LSG1: variants seen among roughly 807,000 people sequenced by gnomAD.
LSG1 encodes the protein large subunit GTPase 1 homolog.
A neutral mutation model predicts 82.6 loss-of-function variants in LSG1; 55 were observed. The observed-to-expected ratio is 0.67, with a 90% CI of 0.54 to 0.83. The LOEUF (loss-of-function observed/expected upper bound fraction) is 0.83, where lower values mean the gene tolerates loss of function less well. LSG1 is among the 40% of genes least tolerant of loss of function. The pLI, the probability that LSG1 is intolerant of heterozygous loss-of-function variation, is 0.00. For missense variants in LSG1, 809 were observed against 807.9 expected (o/e 1.00, Z -0.02); for synonymous variants, 272 against 282.5 (o/e 0.96, Z 0.37).
At chr3:194,645,521 C>CAG (rs1560219555) in intron 12 of LSG1, 7 of 48,376 alleles carry the variant, frequency 1.4e-4, no homozygotes, top group South Asian at 6.2e-4. Flanking sequence ...CACACACACA[C>CAG]ACACACACAG....
chr3:194,640,865 G>C lies in LSG1; in HGVS notation c.*1203C>G, dbSNP rs1054225749. The C allele has an allele frequency of 2.6e-5, 4 of 152,410 alleles. No individual in the cohort carries two copies. Among genetic ancestry groups the C allele is most frequent in the African/African-American group, 4.8e-5 (2 of 41,438 alleles). 9.4% of individuals were successfully genotyped at this position (152,410 alleles called of 1,614,324 possible). On this transcript the variant is annotated 3_prime_UTR_variant, in exon 14 of 14. Transcript: ENST00000265245. ...GGAAGCACAGCAGCTTTTGCTTCTAGGGAGGCCTCAGGAAACTTACAATCA... is the reference window on the plus strand; with the variant it reads ...GGAAGCACAGCAGCTTTTGCTTCTACGGAGGCCTCAGGAAACTTACAATCA...
chr3:194,645,634 T>C (rs1278131786), intron 12 of LSG1, among the ~76,000 whole-genome samples: 1 of 132,636 alleles, frequency 7.5e-6, no homozygotes, highest in African/African-American at 3.0e-5. Flanking sequence ...AGTTTTCATT[T>C]ATTTCCCATA....
Position 194,652,755 on chromosome 3 carries a change from T to C in LSG1, c.1147A>G (p.Lys383Glu). 6.2e-7 allele frequency: 1 copy of C among 1,613,718 alleles called. No individual in the cohort carries two copies. Among genetic ancestry groups the C allele is most frequent in the Non-Finnish European group, 8.5e-7 (1 of 1,179,696 alleles). Residue 383 changes from lysine to glutamate, a missense_variant, in exon 8 of 14, where the codon AAA becomes GAA. By Grantham distance (56) the Lys-to-Glu change is moderately conservative. Transcript: ENST00000265245. ...AGTCCGACCGTAAGTTGCCCATCTT[T>C]CACCTTTCTCCCAGTGTGTAGCTCC... is the stretch of plus-strand genomic sequence containing the variant. ...FKELHTGRKV[K>E]DGQLTVGLVG...
intron 10 of LSG1, 140 bp from the exon 11 acceptor site, chr3:194,648,944 T>C: frequency 2.4e-6 from 2 of 823,058 alleles, no homozygotes; most frequent in Non-Finnish European, 3.7e-6. Context: ...TAGTTTTTGA[T>C]TAATCTAAAA....
intron 10 of LSG1, 52 bp from the exon 11 acceptor site, chr3:194,648,856 C>G (rs762601706): frequency 6.2e-7 from 1 of 1,605,860 alleles, no homozygotes; most frequent in East Asian, 2.2e-5. Flanking sequence ...CTCCCCATGG[C>G]ATACAAATCG....
chr3:194,647,801 G>A (rs184404124), intron 11 of LSG1, among the ~76,000 whole-genome samples: 188 of 152,276 alleles, frequency 1.2e-3, no homozygotes, highest in African/African-American at 4.4e-3. Context: ...CTCTGAGTTC[G>A]GATGATTACT....
chr3:194,650,555 C>A (rs1280614628), intron 10 of LSG1, among the ~76,000 whole-genome samples: 1 of 152,180 alleles, frequency 6.6e-6, no homozygotes, highest in African/African-American at 2.4e-5. Context: ...TAGATTTTCC[C>A]CCACTTAGAG....
At chr3:194,662,085 C>A (rs1423611749) in intron 5 of LSG1, among the ~76,000 whole-genome samples, 1 of 152,194 alleles carries the variant, frequency 6.6e-6, no homozygotes, top group East Asian at 1.9e-4. Context: ...CCTGTTCATG[C>A]CCCTGACGCC....
chr3:194,646,991 G>C (rs1718567462), intron 11 of LSG1, among the ~76,000 whole-genome samples: 1 of 152,216 alleles, frequency 6.6e-6, no homozygotes, highest in Non-Finnish European at 1.5e-5. Context: ...AAGCAGCGAA[G>C]CATGGTGGTT....
At chr3:194,657,084 C>T (rs1718805763) in intron 7 of LSG1, among the ~76,000 whole-genome samples, 1 of 151,278 alleles carries the variant, frequency 6.6e-6, no homozygotes, top group Non-Finnish European at 1.5e-5. Flanking sequence ...ACCAACATGG[C>T]ACATGTATAT....
Position 194,653,018 on chromosome 3 carries a change from C to CT in LSG1, c.883dup (p.Ser295LysfsTer2). 6.2e-7 allele frequency: 1 copy of CT among 1,614,208 alleles called. No individual in the cohort carries two copies. Among genetic ancestry groups the CT allele is most frequent in the Non-Finnish European group, 8.5e-7 (1 of 1,180,048 alleles). ...ATCTTCATCCGTTGTGGGATTTTCA[C>CT]TAAGTGAAGGAGAATCCCTAGCTGG... is the stretch of plus-strand genomic sequence containing the variant. On this transcript the variant is annotated frameshift_variant, in exon 8 of 14. Transcript: ENST00000265245. LOFTEE classifies it high-confidence loss of function.
chr3:194,657,850 T>G (rs1718834512), intron 7 of LSG1, among the ~76,000 whole-genome samples: 1 of 152,072 alleles, frequency 6.6e-6, no homozygotes, highest in African/African-American at 2.4e-5. Flanking sequence ...CATTTAGAGG[T>G]AAAAAGAAAC....
At chr3:194,658,248 G>A (rs1705996) in intron 7 of LSG1, among the ~76,000 whole-genome samples, 93,453 of 151,866 alleles carry the variant, frequency 0.62, 30,310 homozygotes, top group East Asian at 0.87. Context: ...CCCAGGTTCA[G>A]CCGATTCTCC....
rs889476891 is a variant in LSG1, at chr3:194,642,139, G to T, written c.1906C>A (p.Pro636Thr). 1 of 1,613,670 alleles carries T rather than the reference G, an allele frequency of 6.2e-7. No individual in the cohort carries two copies. The highest frequency in any genetic ancestry group is 2.2e-5 in the East Asian group (1 of 44,880). The change falls in exon 14 of 14, where the codon CCC becomes ACC. Residue 636 changes from proline (P) to threonine (T), a missense_variant. By Grantham distance (38) the Pro-to-Thr change is conservative. Transcript: ENST00000265245. ...TASSENGAGK[P>T]WKKHGNRNKK... ...TTTCTGTTGCCATGTTTTTTCCAGG[G>T]CTTCCCCGCCCCGTTCTCAGAGCTC...
chr3:194,645,557 C>G lies in LSG1; in HGVS notation c.1623+607G>C, dbSNP rs866279557. On this transcript the variant is annotated intron_variant, in intron 12 of 13. Coordinates refer to ENST00000265245, the MANE Select transcript of LSG1 (RefSeq NM_018385.3). ...ACAGACACACACACACACACACACA[C>G]ACACACACACACAGACAGACACACA... Among the ~76,000 whole-genome samples, 167 of 55,922 alleles carry G rather than the reference C, an allele frequency of 3.0e-3. 14 individuals are homozygous for G. The highest frequency in any genetic ancestry group is 0.012 in the Middle Eastern group (1 of 86). 36.7% of individuals were successfully genotyped at this position (55,922 alleles called of 152,430 possible). A position where few individuals can be genotyped will look rare whatever the true frequency, so the allele number is the denominator to read the frequency against.
At chr3:194,647,133 G>A (rs541736156) in intron 11 of LSG1, among the ~76,000 whole-genome samples, 10 of 152,148 alleles carry the variant, frequency 6.6e-5, no homozygotes, top group East Asian at 3.9e-4. Context: ...AATAAATTTC[G>A]TCAGATTAAA....
At position 194,660,129 on chromosome 3, in the gene LSG1, T is replaced by C; in HGVS notation, c.526A>G (p.Ile176Val). 1.2e-6 allele frequency: 2 copies of C among 1,613,746 alleles called. No homozygotes were observed. The highest frequency in any genetic ancestry group is 1.7e-6 in the Non-Finnish European group (2 of 1,179,708). ...QLWRVIERSD[I>V]VVQIVDARNP... ...CGAGCATCTACTATCTGGACCACAA[T>C]ATCACTGAAAAACAAACACGAGATA... The change falls in exon 6 of 14, where the codon ATT (isoleucine) becomes GTT (valine). Residue 176 changes from isoleucine (I) to valine (V), a missense_variant. Transcript: ENST00000265245.
At position 194,657,677 on chromosome 3, in the gene LSG1, C is replaced by T. The variant is rs951999420; in HGVS notation, c.759+1280G>A. Among the ~76,000 whole-genome samples the T allele has an allele frequency of 5.9e-5, 9 of 151,948 alleles. No homozygotes were observed. The South Asian group carries it at 1.2e-3, about 21-fold the overall frequency. On this transcript the variant is annotated intron_variant, in intron 7 of 13. Coordinates refer to ENST00000265245, the MANE Select transcript of LSG1 (RefSeq NM_018385.3). ...TGGCTAGTTTTGCCTGTGGTCCTGA[C>T]GCAAGAAGACAGGCACCCAGGATGG...
intron 10 of LSG1, among the ~76,000 whole-genome samples, chr3:194,650,224 ATAG>A (rs1718646530): frequency 6.6e-6 from 1 of 152,210 alleles, no homozygotes; most frequent in Non-Finnish European, 1.5e-5. Context: ...TGGCCCCTGC[ATAG>A]TTCTTAACAA....
Sources: allele counts gnomAD v4.1 joint callset (sites outside exome capture counted in the v4.1 genomes callset), GRCh38; gene constraint gnomAD v4.1.1; transcripts MANE v1.5; gene names NCBI Gene and HGNC (gene_info 2026-07-23, HGNC 2026-07-21).